Variants in LHFPL3 observed in about 807,000 individuals in gnomAD.
LHFPL3 encodes LHFPL tetraspan subfamily member 3, also known as LHFPL tetraspan subfamily member 3 protein.
Under a neutral mutation model 19.3 loss-of-function variants are expected in LHFPL3, and 5 were observed. The ratio of observed to expected loss-of-function variants is 0.26; its 90% CI spans 0.14 to 0.54. The LOEUF is 0.54. LHFPL3 is among the 20% of genes least tolerant of loss of function. The pLI is 0.94. For missense variants in LHFPL3, 249 were observed against 307.4 expected (o/e 0.81, Z 1.42); for synonymous variants, 133 against 126.2 (o/e 1.05, Z -0.36).
intron 1 of LHFPL3, among the ~76,000 whole-genome samples, chr7:104,659,917 G>A (rs970951533): frequency 2.0e-5 from 3 of 152,102 alleles, no homozygotes; most frequent in Non-Finnish European, 2.9e-5. Context: ...GGCCCCTGGA[G>A]AAAGGCCTCA....
chr7:104,389,555 T>TA lies in LHFPL3; in HGVS notation c.445+60336dup, dbSNP rs539285705. Among the ~76,000 whole-genome samples, 68 of 152,166 alleles carry TA rather than the reference T, an allele frequency of 4.5e-4. 1 individual carries two copies. In the East Asian group the frequency reaches 0.013, roughly 29 times the overall value. ...TAAAAGTATAAGAGGTTCAAAATAATAAAAAGTTTTGAAGAAGAAGAACAG... is the reference window on the plus strand; with the variant it reads ...TAAAAGTATAAGAGGTTCAAAATAATAAAAAAGTTTTGAAGAAGAAGAACAG... On this transcript the variant is annotated intron_variant, in intron 1 of 2. Transcript: ENST00000424859.
chr7:104,458,052 C>G (rs1174327355), intron 1 of LHFPL3, among the ~76,000 whole-genome samples: 1 of 150,544 alleles, frequency 6.6e-6, no homozygotes, highest in Non-Finnish European at 1.5e-5. Flanking sequence ...AAATTTTCTC[C>G]CATTTTGTAG....
intron 1 of LHFPL3, among the ~76,000 whole-genome samples, chr7:104,544,558 T>C (rs1241375220): frequency 1.3e-5 from 2 of 152,182 alleles, no homozygotes; most frequent in African/African-American, 4.8e-5. Context: ...CAGTTCTTTC[T>C]AGGGCAACCA....
At chr7:104,602,491 T>C (rs1382909473) in intron 1 of LHFPL3, among the ~76,000 whole-genome samples, 1 of 152,216 alleles carries the variant, frequency 6.6e-6, no homozygotes, top group Non-Finnish European at 1.5e-5. Flanking sequence ...TTGCTTGTCA[T>C]GTGTATGTCC....
intron 1 of LHFPL3, among the ~76,000 whole-genome samples, chr7:104,543,657 C>T (rs1055123091): frequency 1.7e-4 from 25 of 149,720 alleles, no homozygotes; most frequent in Admixed American, 2.7e-4. Flanking sequence ...AGCAAACTAT[C>T]GCAAGGACAA....
chr7:104,756,664 T>C (rs1199924381), intron 2 of LHFPL3, among the ~76,000 whole-genome samples: 1 of 152,074 alleles, frequency 6.6e-6, no homozygotes, highest in East Asian at 1.9e-4. Flanking sequence ...CACACCTGGC[T>C]AATTTTTATA....
At chr7:104,768,597 G>A (rs1356650362) in intron 2 of LHFPL3, 1 of 152,150 alleles carries the variant, frequency 6.6e-6, no homozygotes, top group Non-Finnish European at 1.5e-5. Context: ...ATAGCCAGCT[G>A]GTTGTATTAT....
intron 1 of LHFPL3, among the ~76,000 whole-genome samples, chr7:104,730,558 TG>T (rs1207146177): frequency 2.0e-5 from 3 of 152,044 alleles, no homozygotes; most frequent in African/African-American, 7.2e-5. Context: ...GAGAAGTGTC[TG>T]TTCATATCCT....
At chr7:104,880,842 G>C (rs890979922) in intron 2 of LHFPL3, among the ~76,000 whole-genome samples, 1 of 152,180 alleles carries the variant, frequency 6.6e-6, no homozygotes, top group Non-Finnish European at 1.5e-5. Flanking sequence ...GGATCAAGGA[G>C]AGTAATTTCT....
chr7:104,650,003 G>A (rs1304665980), intron 1 of LHFPL3, among the ~76,000 whole-genome samples: 1 of 152,144 alleles, frequency 6.6e-6, no homozygotes, highest in Non-Finnish European at 1.5e-5. Context: ...TGCAGATTAA[G>A]AAGCACTTCC....
In LHFPL3 at chr7:104,782,833, T is replaced by C. The variant is rs540381378; in HGVS notation, c.682+45922T>C. On this transcript the variant is annotated intron_variant, in intron 2 of 2. Coordinates refer to ENST00000424859, the MANE Select transcript of LHFPL3 (RefSeq NM_199000.3). ...TCTACAATATTGATGTCCACAAGCA[T>C]GCCATGCTTTCACTTATCTCCAAGC... Among the ~76,000 whole-genome samples the C allele has an allele frequency of 2.2e-4, 33 of 152,374 alleles. No homozygotes were observed. The South Asian group carries it at 6.6e-3, about 31-fold the overall frequency.
chr7:104,370,759 G>C (rs1790599203), intron 1 of LHFPL3, among the ~76,000 whole-genome samples: 1 of 152,118 alleles, frequency 6.6e-6, no homozygotes, highest in South Asian at 2.1e-4. Context: ...GCGGGCGCCT[G>C]TAATCCCAGC....
chr7:104,889,131 A>G (rs1792200778), intron 2 of LHFPL3, among the ~76,000 whole-genome samples: 1 of 152,228 alleles, frequency 6.6e-6, no homozygotes, highest in South Asian at 2.1e-4. Flanking sequence ...ACTTTTCTAG[A>G]GAAGACTCAA....
chr7:104,872,649 GAAAA>G (rs59634461), intron 2 of LHFPL3, among the ~76,000 whole-genome samples: 1 of 137,916 alleles, frequency 7.3e-6, no homozygotes, highest in East Asian at 2.1e-4. Context: ...CATCTCAAAA[GAAAA>G]AAAAAAAACT....
chr7:104,332,408 T>C (rs1424910801), intron 1 of LHFPL3, among the ~76,000 whole-genome samples: 1 of 151,712 alleles, frequency 6.6e-6, no homozygotes, highest in Non-Finnish European at 1.5e-5. Context: ...TTTTTGTATT[T>C]TTAATAGAGA....
chr7:104,532,173 G>T (rs1210694507), intron 1 of LHFPL3, among the ~76,000 whole-genome samples: 2 of 152,026 alleles, frequency 1.3e-5, no homozygotes, highest in African/African-American at 4.8e-5. Flanking sequence ...GCTGGATGCA[G>T]TGCTACAATC....
intron 2 of LHFPL3, among the ~76,000 whole-genome samples, chr7:104,829,775 G>A (rs1438404925): frequency 6.6e-6 from 1 of 151,954 alleles, no homozygotes; most frequent in Non-Finnish European, 1.5e-5. Flanking sequence ...ATTGTGAATA[G>A]TGCCACGATA....
chr7:104,891,362 C>T (rs934067430), intron 2 of LHFPL3, among the ~76,000 whole-genome samples: 2 of 151,918 alleles, frequency 1.3e-5, no homozygotes, highest in East Asian at 1.9e-4. Context: ...GGCAAGCAGG[C>T]GTGCGAGACT....
intron 2 of LHFPL3, among the ~76,000 whole-genome samples, chr7:104,742,729 A>C (rs1489519991): frequency 1.3e-5 from 2 of 152,182 alleles, no homozygotes; most frequent in East Asian, 3.8e-4. Context: ...AATTCTATGG[A>C]TATCTTCAGA....
Sources: allele counts gnomAD v4.1 joint callset (sites outside exome capture counted in the v4.1 genomes callset), GRCh38; gene constraint gnomAD v4.1.1; transcripts MANE v1.5; gene names NCBI Gene and HGNC (gene_info 2026-07-23, HGNC 2026-07-21).